Variants in DYSF observed in about 807,000 individuals in gnomAD.
The protein encoded by DYSF is dystrophy-associated fer-1-like 1.
DYSF carries 212 observed loss-of-function variants against 274.9 expected under a neutral mutation model. That is an observed-to-expected ratio of 0.77 (90% CI 0.69 to 0.86). DYSF has a LOEUF of 0.86. Ranked by LOEUF, DYSF falls within the 40% of genes least tolerant of loss-of-function variation. The pLI is 0.00. For synonymous variants in DYSF, 1,091 were observed against 1,078.7 expected (o/e 1.01, Z -0.22); for missense variants, 2,666 against 2,783.2 (o/e 0.96, Z 0.95).
intron 16 of DYSF, among the ~76,000 whole-genome samples, chr2:71,537,228 T>TTG (rs1559104866): frequency 2.8e-5 from 1 of 36,264 alleles, no homozygotes; most frequent in African/African-American, 7.6e-5. Context: ...GTTTTGTTTT[T>TTG]TTTTTTTTTT....
intron 4 of DYSF, among the ~76,000 whole-genome samples, 168 bp from the exon 5 acceptor site, chr2:71,511,635 CCTGA>C (rs953258276): frequency 1.2e-4 from 18 of 152,338 alleles, no homozygotes; most frequent in African/African-American, 4.3e-4. Flanking sequence ...CTTCGAACCA[CCTGA>C]CTATGCTGAT....
At chr2:71,556,873 C>G (rs1383323031) in intron 22 of DYSF, among the ~76,000 whole-genome samples, 2 of 152,308 alleles carry the variant, frequency 1.3e-5, no homozygotes, top group East Asian at 1.9e-4. Context: ...CAAATGTATT[C>G]TATGCTCCCA....
chr2:71,573,062 A>G (rs1015550097), intron 29 of DYSF, among the ~76,000 whole-genome samples: 1 of 152,200 alleles, frequency 6.6e-6, no homozygotes, highest in Non-Finnish European at 1.5e-5. Context: ...TTGGTCTATG[A>G]TCTTCCTTCC....
At chr2:71,635,088 C>G (rs1301547527) in intron 41 of DYSF, among the ~76,000 whole-genome samples, 3 of 152,202 alleles carry the variant, frequency 2.0e-5, no homozygotes, top group Non-Finnish European at 2.9e-5. Flanking sequence ...TTCCGGGTGG[C>G]TGCTGCTGCC....
intron 16 of DYSF, among the ~76,000 whole-genome samples, chr2:71,537,388 G>A (rs1270587122): frequency 2.0e-5 from 3 of 151,864 alleles, no homozygotes; most frequent in African/African-American, 4.8e-5. Context: ...AGGGATTACA[G>A]GCACACACCA....
intron 41 of DYSF, among the ~76,000 whole-genome samples, chr2:71,620,978 GCTGA>G (rs1005843678): frequency 1.3e-5 from 2 of 152,100 alleles, no homozygotes; most frequent in African/African-American, 4.8e-5. Flanking sequence ...CAGACGGCAG[GCTGA>G]CTTTCTGTGC....
intron 22 of DYSF, 52 bp from the exon 23 acceptor site, chr2:71,561,700 C>T (rs2091779477): frequency 6.2e-7 from 1 of 1,610,006 alleles, no homozygotes; most frequent in Admixed American, 1.7e-5. Flanking sequence ...ATGCCTGGAC[C>T]TGGGAGAGCC....
chr2:71,633,717 G>A (rs920481331), intron 41 of DYSF, among the ~76,000 whole-genome samples: 1 of 151,828 alleles, frequency 6.6e-6, no homozygotes, highest in Admixed American at 6.6e-5. Context: ...TTTAAGAGTT[G>A]GGCATATAGT....
chr2:71,501,813 G>A (rs1470590743), intron 3 of DYSF, among the ~76,000 whole-genome samples: 2 of 152,156 alleles, frequency 1.3e-5, no homozygotes, highest in African/African-American at 4.8e-5. Flanking sequence ...TGGAGACTTG[G>A]TTTGCTTACA....
chr2:71,567,826 G>C, intron 24 of DYSF, 125 bp from the exon 25 acceptor site: 8 of 1,399,216 alleles, frequency 5.7e-6, no homozygotes, highest in Non-Finnish European at 7.8e-6. Context: ...TCCCACAGGG[G>C]ACACTCCCAG....
intron 42 of DYSF, among the ~76,000 whole-genome samples, chr2:71,653,310 G>T (rs941166458): frequency 6.6e-6 from 1 of 152,148 alleles, no homozygotes; most frequent in Admixed American, 6.5e-5. Context: ...TCATTACTGG[G>T]TATATACCCA....
intron 30 of DYSF, among the ~76,000 whole-genome samples, chr2:71,577,340 C>T (rs1345050147): frequency 1.3e-5 from 2 of 151,316 alleles, no homozygotes; most frequent in Admixed American, 6.6e-5. Context: ...TCCACACATT[C>T]ATACACACCA....
rs556270876 is a variant in DYSF, at chr2:71,600,097, A to T, written c.3757-605A>T. 2.6e-5 allele frequency among the ~76,000 whole-genome samples: 4 copies of T among 152,310 alleles called. No homozygotes were observed. In the East Asian group the frequency reaches 7.7e-4, roughly 29 times the overall value. On this transcript the variant is annotated intron_variant, in intron 33 of 55. Coordinates refer to ENST00000410020, the MANE Select transcript of DYSF (RefSeq NM_001130987.2). ...CAGAACAGGGCGGGAGGGCAGCGGT[A>T]TGAGCTGCAGGCTGCCAGAGCCCTG...
intron 41 of DYSF, among the ~76,000 whole-genome samples, chr2:71,629,896 A>G (rs1196768138): frequency 2.0e-5 from 3 of 152,186 alleles, no homozygotes; most frequent in African/African-American, 4.8e-5. Flanking sequence ...ATGCAGGTTT[A>G]TCTCCTTCAG....
chr2:71,480,552 T>G (rs921011572), intron 1 of DYSF, among the ~76,000 whole-genome samples: 1 of 151,936 alleles, frequency 6.6e-6, no homozygotes, highest in African/African-American at 2.4e-5. Context: ...AGATGCTGTC[T>G]CTAAAAAAAA....
At chr2:71,650,719 T>C (rs1327942264) in intron 42 of DYSF, among the ~76,000 whole-genome samples, 5 of 152,048 alleles carry the variant, frequency 3.3e-5, no homozygotes, top group Non-Finnish European at 7.4e-5. Flanking sequence ...TGTAACAAGA[T>C]CAAAAGCCCA....
chr2:71,569,139 G>A (rs542226419), intron 26 of DYSF, among the ~76,000 whole-genome samples: 2 of 152,308 alleles, frequency 1.3e-5, no homozygotes, highest in South Asian at 2.1e-4. Context: ...CTCCCAAAGT[G>A]CTGGGATTAC....
intron 41 of DYSF, among the ~76,000 whole-genome samples, chr2:71,642,348 A>G (rs958650652): frequency 6.6e-6 from 1 of 152,320 alleles, no homozygotes; most frequent in South Asian, 2.1e-4. Flanking sequence ...TAGCATACAC[A>G]TCTCCTTTGG....
chr2:71,574,487 G>T (rs1259131635), intron 30 of DYSF, 116 bp downstream of exon 30: 3 of 1,295,996 alleles, frequency 2.3e-6, no homozygotes, highest in Non-Finnish European at 3.2e-6. Context: ...TGGATGGAAC[G>T]CTGGCTGGTC....
Sources: gnomAD v4.1 joint callset for allele counts (sites outside exome capture counted in the v4.1 genomes callset) on GRCh38, gnomAD v4.1.1 for gene constraint, MANE v1.5 for transcripts, NCBI Gene and HGNC (gene_info 2026-07-23, HGNC 2026-07-21) for gene names.